NOL4: variants seen among roughly 807,000 people sequenced by gnomAD.
The protein encoded by NOL4 is nucleolar protein 4.
Under a neutral mutation model 75.9 loss-of-function variants are expected in NOL4, and 17 were observed. The observed-to-expected ratio is 0.22, with a 90% confidence interval of 0.15 to 0.34. The LOEUF (loss-of-function observed/expected upper bound fraction) is 0.34, where lower values mean the gene tolerates loss of function less well. Ranked by LOEUF, NOL4 falls within the 10% of genes least tolerant of loss-of-function variation. The pLI is 1.00. For missense variants in NOL4, 614 were observed against 793.5 expected (o/e 0.77, Z 2.72); for synonymous variants, 292 against 289.9 (o/e 1.01, Z -0.07).
intron 6 of NOL4, among the ~76,000 whole-genome samples, chr18:33,960,700 C>T (rs1042260959): frequency 2.7e-4 from 41 of 152,228 alleles, no homozygotes; most frequent in African/African-American, 9.6e-4. Context: ...AAGTGATTTT[C>T]CCAATGTCAC....
intron 6 of NOL4, among the ~76,000 whole-genome samples, chr18:33,960,500 T>A (rs545653305): frequency 2.6e-5 from 4 of 152,260 alleles, no homozygotes; most frequent in East Asian, 1.9e-4. Flanking sequence ...ACTCCAAGTA[T>A]CTATCTCAAA....
intron 1 of NOL4, among the ~76,000 whole-genome samples, chr18:34,132,596 A>G (rs1205284359): frequency 6.6e-6 from 1 of 152,182 alleles, no homozygotes; most frequent in East Asian, 1.9e-4. Flanking sequence ...AAAATCAAAA[A>G]TGCCTTCAGA....
intron 1 of NOL4, among the ~76,000 whole-genome samples, chr18:34,203,672 TTC>T (rs1159513301): frequency 8.2e-5 from 7 of 85,632 alleles, no homozygotes; most frequent in Non-Finnish European, 1.5e-4. Flanking sequence ...CCTGATCTCT[TTC>T]TCTCTCTCTC....
chr18:34,067,523 C>A (rs1457651217), intron 5 of NOL4, among the ~76,000 whole-genome samples: 1 of 152,068 alleles, frequency 6.6e-6, no homozygotes, highest in Non-Finnish European at 1.5e-5. Flanking sequence ...TTTAATAAAC[C>A]AGGCAAATGA....
intron 2 of NOL4, among the ~76,000 whole-genome samples, chr18:34,108,847 T>C (rs1312387365): frequency 6.6e-6 from 1 of 152,096 alleles, no homozygotes; most frequent in Non-Finnish European, 1.5e-5. Context: ...TGAATGAACC[T>C]AATGGACATA....
intron 10 of NOL4, among the ~76,000 whole-genome samples, chr18:33,871,874 G>C (rs533008731): frequency 4.6e-5 from 7 of 152,144 alleles, no homozygotes; most frequent in Admixed American, 2.0e-4. Context: ...GCCTTTCTTG[G>C]AGGCTTTCTG....
intron 5 of NOL4, among the ~76,000 whole-genome samples, chr18:34,083,707 G>GTC (rs1435794921): frequency 6.6e-6 from 1 of 152,118 alleles, no homozygotes; most frequent in Non-Finnish European, 1.5e-5. Context: ...TGGCTGAGAG[G>GTC]TCTTTTATGC....
At chr18:33,915,790 G>A (rs1414081969) in intron 9 of NOL4, among the ~76,000 whole-genome samples, 1 of 152,118 alleles carries the variant, frequency 6.6e-6, no homozygotes, top group African/African-American at 2.4e-5. Flanking sequence ...GGAACTAGTA[G>A]GGCTCTCCTT....
At chr18:33,877,826 TTGTGTGTGTGTG>T (rs113939972) in intron 10 of NOL4, among the ~76,000 whole-genome samples, 1 of 148,134 alleles carries the variant, frequency 6.8e-6, no homozygotes, top group African/African-American at 2.5e-5. Context: ...TGTTGTGTGA[TTGTGTGTGTGTG>T]TGTGTGTGTG....
At position 34,134,447 on chromosome 18, in the gene NOL4, GACACACACACACACACACAC is replaced by G. The variant is rs199707766; in HGVS notation, c.265-4447_265-4428del. ...ATGGACCCAATAAGAGACTCCAAGT[GACACACACACACACACACAC>G]ACACACACACACACACACACACACA... On this transcript the variant is annotated intron_variant, in intron 1 of 10. Coordinates refer to ENST00000261592, the MANE Select transcript of NOL4 (RefSeq NM_003787.5). Among the ~76,000 whole-genome samples the G allele has an allele frequency of 1.0e-4, 14 of 134,242 alleles. No individual in the cohort carries two copies. The South Asian group carries it at 1.4e-3, about 13-fold the overall frequency. 88.1% of individuals were successfully genotyped at this position (134,242 alleles called of 152,430 possible).
intron 5 of NOL4, among the ~76,000 whole-genome samples, chr18:34,085,663 T>C (rs181523361): frequency 6.6e-6 from 1 of 152,276 alleles, no homozygotes; most frequent in Admixed American, 6.5e-5. Context: ...AAAGGCAGAA[T>C]TGTCACTAAA....
At chr18:33,869,563 A>G (rs1287876496) in intron 10 of NOL4, among the ~76,000 whole-genome samples, 1 of 152,052 alleles carries the variant, frequency 6.6e-6, no homozygotes, top group Non-Finnish European at 1.5e-5. Flanking sequence ...AAGTTGAATC[A>G]CTAAACTAAA....
chr18:34,002,499 C>A (rs554271538), intron 6 of NOL4, among the ~76,000 whole-genome samples: 3 of 152,148 alleles, frequency 2.0e-5, no homozygotes, highest in South Asian at 2.1e-4. Flanking sequence ...TTTTCCTGCA[C>A]TTTGACCATA....
chr18:34,215,275 G>A (rs1013625802), intron 1 of NOL4, among the ~76,000 whole-genome samples: 2 of 152,050 alleles, frequency 1.3e-5, no homozygotes, highest in African/African-American at 4.8e-5. Context: ...AGAAGCTGTT[G>A]TATAATGTCC....
At chr18:34,082,324 T>C (rs1332444745) in intron 5 of NOL4, among the ~76,000 whole-genome samples, 2 of 151,898 alleles carry the variant, frequency 1.3e-5, no homozygotes, top group African/African-American at 2.4e-5. Context: ...GTGGTGATGA[T>C]AGGCTAGTAA....
chr18:33,868,298 C>T (rs932310495), intron 10 of NOL4, among the ~76,000 whole-genome samples: 1 of 151,692 alleles, frequency 6.6e-6, no homozygotes, highest in Non-Finnish European at 1.5e-5. Context: ...CCTGCTTCAG[C>T]TAGGATTATA....
chr18:34,076,705 T>C (rs188483960), intron 5 of NOL4, among the ~76,000 whole-genome samples: 1 of 152,260 alleles, frequency 6.6e-6, no homozygotes. Context: ...CTTAATTCCT[T>C]CACACAGATT....
At chr18:34,109,037 G>A (rs1017653514) in intron 2 of NOL4, among the ~76,000 whole-genome samples, 1 of 151,812 alleles carries the variant, frequency 6.6e-6, no homozygotes, top group African/African-American at 2.4e-5. Context: ...AATAATAGAA[G>A]AAAAATTGAA....
chr18:33,973,505 C>T (rs192378565), intron 6 of NOL4, among the ~76,000 whole-genome samples: 17 of 152,218 alleles, frequency 1.1e-4, no homozygotes, highest in East Asian at 3.9e-4. Flanking sequence ...GTATTCTTTC[C>T]GGAAGGTTTT....
Sources: allele counts gnomAD v4.1 joint callset (sites outside exome capture counted in the v4.1 genomes callset), GRCh38; gene constraint gnomAD v4.1.1; transcripts MANE v1.5; gene names NCBI Gene and HGNC (gene_info 2026-07-23, HGNC 2026-07-21).